Variants in CA7 observed in about 807,000 individuals in gnomAD.
CA7 encodes carbonate dehydratase VII.
In CA7, 13 loss-of-function variants were observed where a neutral mutation model predicts 31.4. The observed-to-expected ratio is 0.41, with a 90% CI of 0.27 to 0.66. The LOEUF (loss-of-function observed/expected upper bound fraction) is 0.66, where lower values mean the gene tolerates loss of function less well. Among genes scored for constraint, CA7 ranks in the 30% least tolerant of loss-of-function variants. The pLI is 0.28. For synonymous variants in CA7, 128 were observed against 133.2 expected (o/e 0.96, Z 0.27); for missense variants, 215 against 351.0 (o/e 0.61, Z 3.10).
rs893419052 is a variant in CA7, at chr16:66,852,708, C to G, written c.517-4C>G. The G allele has an allele frequency of 2.5e-6, 4 of 1,610,772 alleles. No homozygotes were observed. Among genetic ancestry groups the G allele is most frequent in the African/African-American group, 1.3e-5 (1 of 74,968 alleles). ...GATTCCTGGGTTCCTCCACCTTGTT[C>G]CAGGGCACCAAAGCCCAGTTCAGCT... On this transcript the variant is annotated splice_region_variant and splice_polypyrimidine_tract_variant and intron_variant, in intron 5 of 6. Coordinates refer to ENST00000338437, the MANE Select transcript of CA7 (RefSeq NM_005182.3).
intron 1 of CA7, chr16:66,844,890 C>T: frequency 9.5e-7 from 1 of 1,057,906 alleles, no homozygotes; most frequent in Non-Finnish European, 1.1e-6. Context: ...GGGGGGCGGG[C>T]GCCGCGGAGC....
At chr16:66,849,011 C>T (rs1960983802) in intron 2 of CA7, among the ~76,000 whole-genome samples, 3 of 152,146 alleles carry the variant, frequency 2.0e-5, no homozygotes, top group East Asian at 3.9e-4. Flanking sequence ...CTGTCCTGTC[C>T]TCCTGCTTAA....
intron 1 of CA7, chr16:66,845,023 G>T: frequency 1.0e-6 from 1 of 987,022 alleles, no homozygotes; most frequent in South Asian, 4.7e-5. Context: ...AAGTGGCCGA[G>T]CTGCCTTCTC....
In CA7 at chr16:66,850,551, G is replaced by C. The variant is rs376658308; in HGVS notation, c.249G>C (p.Gly83=). Residue 83 remains glycine, a synonymous_variant, in exon 3 of 7, where the codon GGG becomes GGC. Transcript: ENST00000338437. Reference sequence around the variant, plus strand: ...CACTTCTACCCACAGTGGTGACTGGGGGCCCCCTGGAAGGGCCCTACCGCC... The same window carrying C: ...CACTTCTACCCACAGTGGTGACTGGCGGCCCCCTGGAAGGGCCCTACCGCC... ...NDSDDRTVVT[G]GPLEGPYRLK... 1.2e-6 allele frequency: 2 copies of C among 1,611,300 alleles called. No individual in the cohort carries two copies. The highest frequency in any genetic ancestry group is 1.7e-6 in the Non-Finnish European group (2 of 1,177,458).
intron 1 of CA7, chr16:66,844,839 G>T (rs1311462120): frequency 1.2e-5 from 12 of 966,964 alleles, no homozygotes; most frequent in African/African-American, 1.7e-5. Flanking sequence ...TCACTCACTC[G>T]CCCCGGGCGT....
At position 66,845,075 on chromosome 16, in the gene CA7, T is replaced by C. The variant is rs991069410; in HGVS notation, c.40+548T>C. 6.1e-5 allele frequency: 60 copies of C among 985,740 alleles called. No homozygotes were observed. The Middle Eastern group carries it at 2.6e-3, about 43-fold the overall frequency. 61.1% of individuals were successfully genotyped at this position (985,740 alleles called of 1,614,324 possible). A position where few individuals can be genotyped will look rare whatever the true frequency, so the allele number is the denominator to read the frequency against. The stretch of plus-strand genomic sequence containing the variant: ...AAGGGGGCACTTGGGGGCGCAAGCA[T>C]GTGTCTGGGTGTCTACACCGAGCAG... On this transcript the variant is annotated intron_variant, in intron 1 of 6. Transcript: ENST00000338437.
intron 2 of CA7, among the ~76,000 whole-genome samples, chr16:66,848,244 G>C (rs1960968290): frequency 6.6e-6 from 1 of 152,202 alleles, no homozygotes; most frequent in African/African-American, 2.4e-5. Context: ...GCAAAAGAAA[G>C]GGAGTCTAGC....
rs926214194 is a variant in CA7 at position 66,844,881 on chromosome 16, G to C, written c.40+354G>C. 25 of 1,070,324 alleles carry C rather than the reference G, an allele frequency of 2.3e-5. No homozygotes were observed. In the East Asian group the frequency reaches 2.9e-4, roughly 12 times the overall value. 66.3% of individuals were successfully genotyped at this position (1,070,324 alleles called of 1,614,324 possible). A position where few individuals can be genotyped will look rare whatever the true frequency, so the allele number is the denominator to read the frequency against. On this transcript the variant is annotated intron_variant, in intron 1 of 6. Transcript: ENST00000338437. ...CGCGTGGGGGTGGCCCAGGGCAGCGGGGGGCGGGCGCCGCGGAGCGCTGTG... is the reference window on the plus strand; with the variant it reads ...CGCGTGGGGGTGGCCCAGGGCAGCGCGGGGCGGGCGCCGCGGAGCGCTGTG...
rs1961117552 is a variant in CA7 at position 66,853,817 on chromosome 16, A to G, written c.*319A>G. 4 of 325,992 alleles carry G rather than the reference A, an allele frequency of 1.2e-5. No homozygotes were observed. The South Asian group carries it at 2.2e-4, about 18-fold the overall frequency. The allele number at this position is 325,992 out of a possible 1,614,324, so 20.2% of individuals were successfully genotyped here. A position where few individuals can be genotyped will look rare whatever the true frequency, so the allele number is the denominator to read the frequency against. On this transcript the variant is annotated 3_prime_UTR_variant, in exon 7 of 7. Transcript: ENST00000338437. The surrounding 1 kb of genome is among the most constrained non-coding windows in gnomAD (Gnocchi z 4.5). Reference sequence around the variant, plus strand: ...GTGGCAGCAGCCCCACCCCGAGCGCACACTGTGATGGAGGAGACTGAGCTC... The same window carrying G: ...GTGGCAGCAGCCCCACCCCGAGCGCGCACTGTGATGGAGGAGACTGAGCTC...
At chr16:66,844,728 CG>C (rs1202791788) in intron 1 of CA7, among the ~76,000 whole-genome samples, 1 of 152,246 alleles carries the variant, frequency 6.6e-6, no homozygotes, top group South Asian at 2.1e-4. Context: ...CGCTGCGCCC[CG>C]GGTGGCCCCG....
intron 1 of CA7, 129 bp from the exon 2 acceptor site, chr16:66,846,901 C>A: frequency 1.4e-6 from 1 of 699,522 alleles, no homozygotes; most frequent in Non-Finnish European, 2.5e-6. Flanking sequence ...GAACTCCAAG[C>A]TGTGCAGCTC....
At chr16:66,850,762 G>A in intron 3 of CA7, 103 bp downstream of exon 3, 2 of 831,448 alleles carry the variant, frequency 2.4e-6, no homozygotes, top group Non-Finnish European at 2.1e-6. Context: ...TTGGAGAGGG[G>A]GAAGAGGAGC....
At chr16:66,849,480 G>A (rs943881721) in intron 2 of CA7, among the ~76,000 whole-genome samples, 2 of 152,202 alleles carry the variant, frequency 1.3e-5, no homozygotes, top group African/African-American at 2.4e-5. Flanking sequence ...GTGACCTTGA[G>A]CAAATGCCTC....
Position 66,844,523 on chromosome 16 carries a change from C to A in CA7, c.36C>A (p.Asp12Glu), listed in dbSNP as rs1960883204. 1 of 1,543,366 alleles carries A rather than the reference C, an allele frequency of 6.5e-7. No individual in the cohort carries two copies. Among genetic ancestry groups the A allele is most frequent in the Non-Finnish European group, 8.7e-7 (1 of 1,144,128 alleles). Residue 12 changes from aspartate (D) to glutamate (E), a missense_variant, in exon 1 of 7, where the codon GAC becomes GAA. Transcript: ENST00000338437. ...TGHHGWGYGQ[D>E]DGPSHWHKLY... ...ACCACGGCTGGGGCTACGGCCAGGA[C>A]GACGGTAGGCACAGACCTCCCCCAC...
At chr16:66,851,767 A>C in intron 5 of CA7, 41 bp downstream of exon 5, 1 of 1,569,702 alleles carries the variant, frequency 6.4e-7, no homozygotes, top group Non-Finnish European at 8.7e-7. Context: ...CGATGGGGAG[A>C]GAGGAAGAGG....
intron 1 of CA7, among the ~76,000 whole-genome samples, chr16:66,845,458 A>T (rs1441162015): frequency 6.6e-6 from 1 of 151,978 alleles, no homozygotes; most frequent in Non-Finnish European, 1.5e-5. Context: ...TGGGTGGGGG[A>T]CCACAGTCTG....
chr16:66,848,911 C>T (rs1022508759), intron 2 of CA7, among the ~76,000 whole-genome samples: 8 of 152,172 alleles, frequency 5.3e-5, no homozygotes, highest in African/African-American at 1.9e-4. Flanking sequence ...CTGATTAGGG[C>T]CCCACCCACA....
At chr16:66,847,289 G>A in intron 2 of CA7, 62 bp downstream of exon 2, 1 of 1,472,268 alleles carries the variant, frequency 6.8e-7, no homozygotes, top group Non-Finnish European at 9.5e-7. Context: ...CTAACCTTGT[G>A]TTGGGCAGTC....
At chr16:66,844,604 C>G in intron 1 of CA7, 77 bp downstream of exon 1, 1 of 1,299,160 alleles carries the variant, frequency 7.7e-7, no homozygotes, top group Non-Finnish European at 1.1e-6. Flanking sequence ...TCTTGCCCAG[C>G]TGGTTTCCCA....
Sources: allele counts gnomAD v4.1 joint callset (sites outside exome capture counted in the v4.1 genomes callset), GRCh38; gene constraint gnomAD v4.1.1; non-coding constraint Gnocchi (gnomAD v3.1); transcripts MANE v1.5; gene names NCBI Gene and HGNC (gene_info 2026-07-23, HGNC 2026-07-21).